LARS1: variants seen among roughly 807,000 people sequenced by gnomAD.
The protein encoded by LARS1 is leucyl-tRNA synthetase 1.
LARS1 carries 100 observed loss-of-function variants against 162.8 expected under a neutral mutation model. The ratio of observed to expected loss-of-function variants is 0.61; its 90% confidence interval spans 0.52 to 0.73. LARS1 has a LOEUF of 0.73. Among genes scored for constraint, LARS1 ranks in the 30% least tolerant of loss-of-function variants. The pLI is 0.00. For synonymous variants in LARS1, 457 were observed against 462.8 expected (o/e 0.99, Z 0.16); for missense variants, 1,258 against 1,408.9 (o/e 0.89, Z 1.71).
At chr5:146,164,745 A>G (rs969567254) in intron 5 of LARS1, among the ~76,000 whole-genome samples, 2 of 152,208 alleles carry the variant, frequency 1.3e-5, no homozygotes, top group African/African-American at 2.4e-5. Flanking sequence ...AGAACTACCC[A>G]TTATGAAGAT....
At chr5:146,147,497 A>G (rs545559868) in intron 15 of LARS1, among the ~76,000 whole-genome samples, 14 of 152,134 alleles carry the variant, frequency 9.2e-5, no homozygotes, top group Non-Finnish European at 2.1e-4. Flanking sequence ...TATTACAGGA[A>G]TTTATCATTC....
At chr5:146,119,058 A>G (rs1243700425) in intron 31 of LARS1, among the ~76,000 whole-genome samples, 1 of 152,118 alleles carries the variant, frequency 6.6e-6, no homozygotes, top group Admixed American at 6.6e-5. Flanking sequence ...TTTTCTCCAT[A>G]AATTAGTCCC....
chr5:146,151,112 T>C (rs983728621), intron 14 of LARS1, among the ~76,000 whole-genome samples: 1 of 152,196 alleles, frequency 6.6e-6, no homozygotes, highest in Non-Finnish European at 1.5e-5. Flanking sequence ...AAATTGGAGA[T>C]AAGAGTGCCT....
At chr5:146,171,542 AAATAC>A (rs1754277635) in intron 4 of LARS1, among the ~76,000 whole-genome samples, 2 of 152,206 alleles carry the variant, frequency 1.3e-5, no homozygotes, top group Admixed American at 6.5e-5. Flanking sequence ...AAAATGATCA[AAATAC>A]AATACAACTG....
rs959948963 is a variant in LARS1 at position 146,161,987 on chromosome 5, A to G, written c.595-1501T>C. ...CAATTCAGGCTTATCTTCAAGCTCC[A>G]CTTGTAATTCTAGTTCTCTTGCAAT... On this transcript the variant is annotated intron_variant, in intron 6 of 31. Coordinates refer to ENST00000394434, the MANE Select transcript of LARS1 (RefSeq NM_020117.11). Among the ~76,000 whole-genome samples the G allele has an allele frequency of 2.9e-4, 44 of 152,174 alleles. 1 individual carries two copies. Among genetic ancestry groups the G allele is most frequent in the African/African-American group, 8.4e-4 (35 of 41,456 alleles).
At chr5:146,143,625 G>T in intron 18 of LARS1, 75 bp from the exon 19 acceptor site, 1 of 1,325,968 alleles carries the variant, frequency 7.5e-7, no homozygotes, top group Non-Finnish European at 1.0e-6. Flanking sequence ...TAAGAAGGGG[G>T]CTATAACATT....
At chr5:146,175,714 G>A (rs1754530649) in intron 2 of LARS1, among the ~76,000 whole-genome samples, 1 of 151,294 alleles carries the variant, frequency 6.6e-6, no homozygotes, top group South Asian at 2.1e-4. Context: ...TGTAGTTCCA[G>A]CTACTCAGGA....
chr5:146,146,157 A>G (rs1202983610), intron 15 of LARS1, among the ~76,000 whole-genome samples: 1 of 152,114 alleles, frequency 6.6e-6, no homozygotes, highest in Non-Finnish European at 1.5e-5. Flanking sequence ...CCTGTCCAAC[A>G]TGGAGAAACC....
intron 2 of LARS1, among the ~76,000 whole-genome samples, chr5:146,176,714 C>T: frequency 6.6e-6 from 1 of 151,722 alleles, no homozygotes; most frequent in East Asian, 1.9e-4. Flanking sequence ...TTGTTTTTCC[C>T]AAATATCATG....
At chr5:146,154,145 G>A (rs1010112691) in intron 10 of LARS1, among the ~76,000 whole-genome samples, 165 bp from the exon 11 acceptor site, 7 of 152,184 alleles carry the variant, frequency 4.6e-5, no homozygotes, top group African/African-American at 1.7e-4. Context: ...AAATAACAAT[G>A]TATTTTATAC....
At chr5:146,163,792 C>T (rs1304069842) in intron 6 of LARS1, among the ~76,000 whole-genome samples, 1 of 152,234 alleles carries the variant, frequency 6.6e-6, no homozygotes, top group African/African-American at 2.4e-5. Context: ...AACATGCCTT[C>T]CTCACTAAGC....
chr5:146,180,057 A>G (rs897054128), intron 1 of LARS1, among the ~76,000 whole-genome samples: 1 of 152,238 alleles, frequency 6.6e-6, no homozygotes, highest in African/African-American at 2.4e-5. Flanking sequence ...CACAAAGTAC[A>G]ATGCCACAGA....
At position 146,142,877 on chromosome 5, in the gene LARS1, T is replaced by C; in HGVS notation, c.2085A>G (p.Glu695=). Residue 695 remains glutamate (E), a synonymous_variant, in exon 20 of 32, where the codon GAA becomes GAG. Coordinates refer to ENST00000394434, the MANE Select transcript of LARS1 (RefSeq NM_020117.11). ...ACACCTATTTTATCATTCACCTTTG[T>C]TCCGGCCACATAGCCACATGATTAT... ...YLYNHVAMWP[E]QSDKWPTAVR... 5 of 1,612,914 alleles carry C rather than the reference T, an allele frequency of 3.1e-6. No individual in the cohort carries two copies. Among genetic ancestry groups the C allele is most frequent in the Non-Finnish European group, 3.4e-6 (4 of 1,178,964 alleles).
At position 146,143,363 on chromosome 5, in the gene LARS1, A is replaced by C. The variant is rs17104276; in HGVS notation, c.1877+49T>G. The C allele has an allele frequency of 0.066, 103,455 of 1,556,994 alleles. 3,851 individuals carry two copies. Among genetic ancestry groups the C allele is most frequent in the Non-Finnish European group, 0.072 (82,158 of 1,147,418 alleles). ...CATTTAAATACATAAATCAAATATCACAACTCTTACTGACAAATTATGCTC... is the reference window on the plus strand; with the variant it reads ...CATTTAAATACATAAATCAAATATCCCAACTCTTACTGACAAATTATGCTC... On this transcript the variant is annotated intron_variant, in intron 19 of 31. Coordinates refer to ENST00000394434, the MANE Select transcript of LARS1 (RefSeq NM_020117.11).
At chr5:146,182,284 T>C in intron 1 of LARS1, 1 of 659,100 alleles carries the variant, frequency 1.5e-6, no homozygotes, top group Non-Finnish European at 2.7e-6. Context: ...ACAAATATGA[T>C]ATCCAAGTAC....
At chr5:146,176,956 T>C (rs1754606656) in intron 2 of LARS1, among the ~76,000 whole-genome samples, 1 of 152,186 alleles carries the variant, frequency 6.6e-6, no homozygotes, top group Non-Finnish European at 1.5e-5. Context: ...CATCCTTCTT[T>C]GTCTAAATAT....
chr5:146,130,035 AG>A lies in LARS1; in HGVS notation c.2610del (p.Trp871GlyfsTer11). ...APFCPHLCEH[I>X]WTLLGKPDSI... is the part of the protein sequence containing the mutation. ...GAAGGTACCTTTCCCAGGAGTGTCCAGATGTGCTCACACAAATGTGGACAGA... is the reference window on the plus strand; with the variant it reads ...GAAGGTACCTTTCCCAGGAGTGTCCAATGTGCTCACACAAATGTGGACAGA... On this transcript the variant is annotated frameshift_variant, in exon 25 of 32. Transcript: ENST00000394434. LOFTEE classifies it high-confidence loss of function. 1 of 1,612,910 alleles carries A rather than the reference AG, an allele frequency of 6.2e-7. No individual in the cohort carries two copies. The highest frequency in any genetic ancestry group is 8.5e-7 in the Non-Finnish European group (1 of 1,179,646).
At chr5:146,179,659 T>C in intron 1 of LARS1, 1 of 439,452 alleles carries the variant, frequency 2.3e-6, no homozygotes, top group Non-Finnish European at 4.6e-6. Flanking sequence ...AGCATAATGG[T>C]GCAAGCACCA....
At chr5:146,150,626 C>CAA (rs71581862) in intron 14 of LARS1, among the ~76,000 whole-genome samples, 6 of 68,816 alleles carry the variant, frequency 8.7e-5, no homozygotes, top group African/African-American at 3.4e-4. Flanking sequence ...GACTCCGTCT[C>CAA]AAAAAAAAAA....
Sources: allele counts gnomAD v4.1 joint callset (sites outside exome capture counted in the v4.1 genomes callset), GRCh38; gene constraint gnomAD v4.1.1; transcripts MANE v1.5; gene names NCBI Gene and HGNC (gene_info 2026-07-23, HGNC 2026-07-21).